Variants in RNGTT observed in about 807,000 individuals in gnomAD.
The protein encoded by RNGTT is RNA guanylyltransferase and 5'-phosphatase.
Under a neutral mutation model 79.3 loss-of-function variants are expected in RNGTT, and 33 were observed. The observed-to-expected ratio is 0.42, with a 90% CI of 0.32 to 0.56. The LOEUF (loss-of-function observed/expected upper bound fraction) is 0.56, where lower values mean the gene tolerates loss of function less well. Among genes scored for constraint, RNGTT ranks in the 20% least tolerant of loss-of-function variants. The probability of loss-of-function intolerance (pLI) is 0.17; values close to 1 mark genes in which losing one functional copy is unlikely to be tolerated. For synonymous variants in RNGTT, 222 were observed against 235.9 expected, an observed-to-expected ratio of 0.94 and a Z score of 0.54; for missense variants, 497 against 739.1, an observed-to-expected ratio of 0.67 and a Z score of 3.80.
intron 11 of RNGTT, among the ~76,000 whole-genome samples, chr6:88,821,993 G>A (rs1182608604): frequency 6.6e-6 from 1 of 151,984 alleles, no homozygotes; most frequent in African/African-American, 2.4e-5. Context: ...GAAAACAAAT[G>A]GGAAAAGCTG....
rs560717225 is a variant in RNGTT at position 88,962,901 on chromosome 6, A to G, written c.64+445T>C. ...AGAAAATAAAAATAAAAAACTAACA[A>G]AAACACCCTCCAGATTCCCAGTCTC... On this transcript the variant is annotated intron_variant, in intron 1 of 15. Transcript: ENST00000369485. Among the ~76,000 whole-genome samples the G allele has an allele frequency of 1.1e-4, 17 of 152,152 alleles. No individual in the cohort carries two copies. The South Asian group carries it at 3.5e-3, about 32-fold the overall frequency.
At chr6:88,686,433 A>G (rs778377217) in intron 13 of RNGTT, among the ~76,000 whole-genome samples, 15 of 152,064 alleles carry the variant, frequency 9.9e-5, no homozygotes, top group Non-Finnish European at 2.9e-5. Context: ...CTCATTCGAA[A>G]ATATATGAGG....
At chr6:88,873,537 G>T (rs560978556) in intron 8 of RNGTT, among the ~76,000 whole-genome samples, 4 of 152,098 alleles carry the variant, frequency 2.6e-5, no homozygotes, top group Admixed American at 6.5e-5. Context: ...ATTGTGGAAT[G>T]AATATGTTTT....
At chr6:88,816,701 A>G (rs1364383397) in intron 11 of RNGTT, among the ~76,000 whole-genome samples, 1 of 152,236 alleles carries the variant, frequency 6.6e-6, no homozygotes, top group Non-Finnish European at 1.5e-5. Flanking sequence ...CCATTTGAAA[A>G]TAACATTCAA....
At chr6:88,736,947 A>G (rs890263291) in intron 13 of RNGTT, among the ~76,000 whole-genome samples, 3 of 152,190 alleles carry the variant, frequency 2.0e-5, no homozygotes, top group African/African-American at 7.2e-5. Flanking sequence ...GATTTCCTTC[A>G]TGGTTTCAAC....
At chr6:88,619,102 G>T (rs968569728) in intron 14 of RNGTT, among the ~76,000 whole-genome samples, 2 of 152,018 alleles carry the variant, frequency 1.3e-5, no homozygotes, top group African/African-American at 4.8e-5. Context: ...AAAACTCTCA[G>T]GTTGGCTTCC....
At chr6:88,770,915 T>C (rs751141269) in intron 12 of RNGTT, among the ~76,000 whole-genome samples, 1 of 152,190 alleles carries the variant, frequency 6.6e-6, no homozygotes, top group Non-Finnish European at 1.5e-5. Context: ...TTTGGTGAAG[T>C]GTCTGTTCAA....
chr6:88,793,225 A>C (rs1779480708), intron 12 of RNGTT, among the ~76,000 whole-genome samples: 1 of 152,020 alleles, frequency 6.6e-6, no homozygotes, highest in Non-Finnish European at 1.5e-5. Context: ...ATCAGAAATA[A>C]AACATTAAGA....
chr6:88,666,805 G>A (rs1774430483), intron 14 of RNGTT, among the ~76,000 whole-genome samples: 1 of 152,138 alleles, frequency 6.6e-6, no homozygotes, highest in South Asian at 2.1e-4. Flanking sequence ...CGCTGCCTCA[G>A]GGAACTTCAG....
chr6:88,796,121 A>G (rs1038592464), intron 12 of RNGTT, among the ~76,000 whole-genome samples: 12 of 152,246 alleles, frequency 7.9e-5, no homozygotes, highest in African/African-American at 1.4e-4. Flanking sequence ...AATACTCAGT[A>G]CAAAAATAAT....
intron 13 of RNGTT, among the ~76,000 whole-genome samples, chr6:88,680,512 A>AG (rs1436213396): frequency 2.6e-5 from 4 of 151,768 alleles, no homozygotes; most frequent in Non-Finnish European, 1.5e-5. Flanking sequence ...GAAGCCGAGG[A>AG]GGGGGGATCA....
At chr6:88,679,367 A>G (rs1224858919) in intron 13 of RNGTT, among the ~76,000 whole-genome samples, 1 of 152,214 alleles carries the variant, frequency 6.6e-6, no homozygotes, top group Non-Finnish European at 1.5e-5. Flanking sequence ...ATGTCCTGAG[A>G]AAAAGATTTG....
chr6:88,955,019 T>C (rs941138487), intron 1 of RNGTT, among the ~76,000 whole-genome samples: 5 of 151,736 alleles, frequency 3.3e-5, no homozygotes. Context: ...GATCGTACCA[T>C]TGCATTCCAG....
At chr6:88,893,988 T>C (rs1783140897) in intron 6 of RNGTT, among the ~76,000 whole-genome samples, 1 of 152,200 alleles carries the variant, frequency 6.6e-6, no homozygotes, top group African/African-American at 2.4e-5. Flanking sequence ...TAGATGCAGT[T>C]TCTTTAATGT....
chr6:88,797,151 A>C (rs1309919399), intron 12 of RNGTT, among the ~76,000 whole-genome samples: 2 of 152,198 alleles, frequency 1.3e-5, no homozygotes, highest in African/African-American at 4.8e-5. Flanking sequence ...CAAATATTTA[A>C]GAACGTCCTG....
chr6:88,634,207 T>C (rs955092497), intron 14 of RNGTT, among the ~76,000 whole-genome samples: 42 of 152,170 alleles, frequency 2.8e-4, no homozygotes, highest in Non-Finnish European at 1.5e-5. Context: ...ATATTAACTC[T>C]TCACATTTTT....
At chr6:88,828,538 T>A (rs553055184) in intron 11 of RNGTT, among the ~76,000 whole-genome samples, 2 of 152,030 alleles carry the variant, frequency 1.3e-5, no homozygotes, top group Non-Finnish European at 2.9e-5. Flanking sequence ...GGATGGAGAA[T>A]GAGTTTGAGG....
chr6:88,700,397 T>A (rs1437339970), intron 13 of RNGTT, among the ~76,000 whole-genome samples: 1 of 152,196 alleles, frequency 6.6e-6, no homozygotes, highest in Admixed American at 6.5e-5. Flanking sequence ...ACATATATTC[T>A]CAGTTTTCCT....
chr6:88,900,340 T>G (rs1582107446), intron 6 of RNGTT, among the ~76,000 whole-genome samples: 1 of 152,130 alleles, frequency 6.6e-6, no homozygotes, highest in African/African-American at 2.4e-5. Flanking sequence ...AAATGGAAAT[T>G]CCAGGAGTGA....
Sources: gnomAD v4.1 joint callset for allele counts (sites outside exome capture counted in the v4.1 genomes callset) on GRCh38, gnomAD v4.1.1 for gene constraint, MANE v1.5 for transcripts, NCBI Gene and HGNC (gene_info 2026-07-23, HGNC 2026-07-21) for gene names.